TMX3: variants seen among roughly 807,000 people sequenced by gnomAD.
The protein encoded by TMX3 is thioredoxin related transmembrane protein 3.
Under a neutral mutation model 64.4 loss-of-function variants are expected in TMX3, and 40 were observed. The ratio of observed to expected loss-of-function variants is 0.62; its 90% CI spans 0.48 to 0.81. The LOEUF (loss-of-function observed/expected upper bound fraction) is 0.81, where lower values mean the gene tolerates loss of function less well. TMX3 is among the 30% of genes least tolerant of loss of function. TMX3 has a pLI of 0.00. For synonymous variants in TMX3, 189 were observed against 175.7 expected, an observed-to-expected ratio of 1.08 and a Z score of -0.60; for missense variants, 497 against 534.5, an observed-to-expected ratio of 0.93 and a Z score of 0.69.
At chr18:68,685,259 G>A (rs898269646) in intron 10 of TMX3, among the ~76,000 whole-genome samples, 1 of 152,096 alleles carries the variant, frequency 6.6e-6, no homozygotes, top group East Asian at 1.9e-4. Flanking sequence ...AAGATTAGAT[G>A]CCCAGAAATA....
In TMX3 at chr18:68,713,300, T is replaced by C. The variant is rs147953818; in HGVS notation, c.101+546A>G. ...AACAGAGACCACTGGGTTGGGAGTG[T>C]AGACATGCAAATGAGCGTGGCTGGC... On this transcript the variant is annotated intron_variant, in intron 2 of 15. Transcript: ENST00000299608. Among the ~76,000 whole-genome samples the C allele has an allele frequency of 7.9e-3, 1,209 of 152,264 alleles. 17 individuals are homozygous for C. Among genetic ancestry groups the C allele is most frequent in the African/African-American group, 0.027 (1,111 of 41,548 alleles).
chr18:68,713,265 G>A (rs548953810), intron 2 of TMX3, among the ~76,000 whole-genome samples: 1 of 152,288 alleles, frequency 6.6e-6, no homozygotes, highest in South Asian at 2.1e-4. Context: ...TCCCAATAAG[G>A]AGGCTGCTAA....
At chr18:68,710,494 C>A (rs1007893897) in intron 3 of TMX3, among the ~76,000 whole-genome samples, 1 of 152,060 alleles carries the variant, frequency 6.6e-6, no homozygotes, top group Non-Finnish European at 1.5e-5. Flanking sequence ...ATATATACAA[C>A]ATACACACCT....
intron 3 of TMX3, among the ~76,000 whole-genome samples, chr18:68,710,349 C>T (rs765866499): frequency 6.6e-6 from 1 of 151,908 alleles, no homozygotes; most frequent in African/African-American, 2.4e-5. Context: ...ACCTCAAAAC[C>T]GGTACTATCT....
In TMX3 at chr18:68,677,025, C is replaced by T. The variant is rs1412152138; in HGVS notation, c.1273G>A (p.Glu425Lys). The T allele has an allele frequency of 1.2e-6, 2 of 1,613,666 alleles. No individual in the cohort carries two copies. The highest frequency in any genetic ancestry group is 1.7e-6 in the Non-Finnish European group (2 of 1,179,806). ...CTGGGCTCCTGCTGTTCTTTGCTCT[C>T]TTCTATCTGTTCTTGGTTTTCATTT... ...SENENQEQIE[E>K]SKEQQEPSSG... is the part of the protein sequence containing the mutation. Residue 425 changes from glutamate (E) to lysine (K), a missense_variant, in exon 16 of 16, where the codon GAG (glutamate) becomes AAG (lysine). Physicochemically the swap from Glu to Lys is moderately conservative, Grantham distance 56. Coordinates refer to ENST00000299608, the MANE Select transcript of TMX3 (RefSeq NM_019022.5).
chr18:68,713,911 A>G lies in TMX3; in HGVS notation c.47-11T>C, dbSNP rs2031593065. The G allele has an allele frequency of 9.0e-6, 14 of 1,563,604 alleles. No individual in the cohort carries two copies. The highest frequency in any genetic ancestry group is 1.2e-5 in the Non-Finnish European group (14 of 1,145,278). ...TATCAAGTACAACAACTGAAAAAAA[A>G]AGACAAAATGTACACAATAAATGCT... On this transcript the variant is annotated splice_polypyrimidine_tract_variant and intron_variant, in intron 1 of 15. Transcript: ENST00000299608.
chr18:68,687,553 A>G, intron 10 of TMX3, 114 bp downstream of exon 10: 1 of 1,484,238 alleles, frequency 6.7e-7, no homozygotes, highest in Non-Finnish European at 8.9e-7. Context: ...CAGATCTAAA[A>G]TAAAAAATTA....
Position 68,679,538 on chromosome 18 carries a change from A to C in TMX3, c.1036-7T>G. On this transcript the variant is annotated splice_polypyrimidine_tract_variant and splice_region_variant and intron_variant, in intron 14 of 15. Transcript: ENST00000299608. ...TGCTATCACCTCCTTGGGCCTTCAA[A>C]AAAGGAAAAGAAAAATAAATTATTT... 2.5e-6 allele frequency: 4 copies of C among 1,607,724 alleles called. No homozygotes were observed. The South Asian group carries it at 4.4e-5, about 18-fold the overall frequency.
intron 9 of TMX3, 149 bp from the exon 10 acceptor site, chr18:68,687,914 T>C (rs1041737063): frequency 4.1e-5 from 20 of 491,754 alleles, no homozygotes; most frequent in Middle Eastern, 5.2e-4. Context: ...AAGCATACAA[T>C]CAAATGTACA....
In TMX3 at chr18:68,710,164, C is replaced by A. The variant is rs888340273; in HGVS notation, c.142-20G>T. 2.7e-5 allele frequency: 40 copies of A among 1,501,456 alleles called. No individual in the cohort carries two copies. Among genetic ancestry groups the A allele is most frequent in the Middle Eastern group, 3.5e-4 (2 of 5,714 alleles). The allele number at this position is 1,501,456 out of a possible 1,614,324, so 93.0% of individuals were successfully genotyped here. A position where few individuals can be genotyped will look rare whatever the true frequency, so the allele number is the denominator to read the frequency against. On this transcript the variant is annotated intron_variant, in intron 3 of 15. Coordinates refer to ENST00000299608, the MANE Select transcript of TMX3 (RefSeq NM_019022.5). ...ATAAAACTTGTTTTAAAAAAACAAA[C>A]AACAAACAAAAAAAGATAACCATTA...
At chr18:68,681,556 A>T in intron 13 of TMX3, 3 of 984,928 alleles carry the variant, frequency 3.0e-6, no homozygotes, top group Non-Finnish European at 3.6e-6. Flanking sequence ...CTGAAATGAG[A>T]GGGATAATAA....
At position 68,701,767 on chromosome 18, in the gene TMX3, G is replaced by C; in HGVS notation, c.289C>G (p.Arg97Gly). 1 of 1,611,396 alleles carries C rather than the reference G, an allele frequency of 6.2e-7. No individual in the cohort carries two copies. Among genetic ancestry groups the C allele is most frequent in the Non-Finnish European group, 8.5e-7 (1 of 1,179,024 alleles). Reference sequence around the variant, plus strand: ...TACAGCTTAATTGTTGGATAACCTCGAACTCCAAACTCTGAAGCAATGCCT... The same window carrying C: ...TACAGCTTAATTGTTGGATAACCTCCAACTCCAAACTCTGAAGCAATGCCT... ...YSSIASEFGV[R>G]GYPTIKLLKG... The change falls in exon 5 of 16, where the codon CGA becomes GGA. Residue 97 changes from arginine to glycine, a missense_variant. Arg to Gly is a moderately radical substitution (Grantham distance 125). Around this residue, in one of 3 missense-constraint regions of TMX3, gnomAD observed 360 missense variants for 383.5 expected, o/e 0.94. Coordinates refer to ENST00000299608, the MANE Select transcript of TMX3 (RefSeq NM_019022.5).
intron 10 of TMX3, chr18:68,686,977 T>G: frequency 1.0e-6 from 1 of 983,144 alleles, no homozygotes. Context: ...ATTACTTACA[T>G]TAAAAAAAAA....
intron 6 of TMX3, 130 bp downstream of exon 6, chr18:68,700,275 A>G (rs1197223988): frequency 7.1e-6 from 4 of 563,528 alleles, no homozygotes; most frequent in East Asian, 6.8e-5. Flanking sequence ...ATCTTCTCTC[A>G]TAAGTAAATA....
intron 10 of TMX3, among the ~76,000 whole-genome samples, chr18:68,686,156 C>T (rs1913932259): frequency 1.3e-5 from 2 of 152,066 alleles, no homozygotes; most frequent in Admixed American, 6.5e-5. Context: ...TGCTATGGTG[C>T]TAGCATCAGG....
chr18:68,706,329 T>C (rs1255358347), intron 4 of TMX3: 1 of 152,278 alleles, frequency 6.6e-6, no homozygotes, highest in African/African-American at 2.4e-5. Context: ...GAGAATCACT[T>C]GAACCCGGGA....
In TMX3 at chr18:68,701,772, C is replaced by T; in HGVS notation, c.284G>A (p.Gly95Glu). 5 of 1,611,510 alleles carry T rather than the reference C, an allele frequency of 3.1e-6. No homozygotes were observed. Among genetic ancestry groups the T allele is most frequent in the Non-Finnish European group, 4.2e-6 (5 of 1,179,160 alleles). The change falls in exon 5 of 16, where the codon GGA becomes GAA. Residue 95 changes from glycine to glutamate, a missense_variant. This residue lies in a region of TMX3 where 360 missense variants were observed against 383.5 expected (regional missense o/e 0.94). Transcript: ENST00000299608. ...TSYSSIASEF[G>E]VRGYPTIKLL... ...CTTAATTGTTGGATAACCTCGAACT[C>T]CAAACTCTGAAGCAATGCCTTGATA...
chr18:68,694,275 G>A (rs1219422398), intron 8 of TMX3, among the ~76,000 whole-genome samples: 2 of 152,198 alleles, frequency 1.3e-5, no homozygotes, highest in South Asian at 2.1e-4. Flanking sequence ...GTGACACACT[G>A]TAATACCCTC....
intron 14 of TMX3, 124 bp from the exon 15 acceptor site, chr18:68,679,655 G>T (rs1913235043): frequency 1.1e-5 from 8 of 717,996 alleles, no homozygotes; most frequent in Non-Finnish European, 1.8e-5. Context: ...CACCTGAAAA[G>T]GCCATGTGGT....
Sources: gnomAD v4.1 joint callset for allele counts (sites outside exome capture counted in the v4.1 genomes callset) on GRCh38, gnomAD v4.1.1 for gene constraint, gnomAD v4.1.1 regional missense constraint, MANE v1.5 for transcripts, NCBI Gene and HGNC (gene_info 2026-07-23, HGNC 2026-07-21) for gene names.